Variants in ZC3H4 observed in about 807,000 individuals in gnomAD.
ZC3H4 encodes the protein zinc finger CCCH domain-containing protein 4.
ZC3H4 carries 13 observed loss-of-function variants against 108.3 expected under a neutral mutation model. The ratio of observed to expected loss-of-function variants is 0.12; its 90% CI spans 0.08 to 0.19. The LOEUF (loss-of-function observed/expected upper bound fraction) is 0.19, where lower values mean the gene tolerates loss of function less well. ZC3H4 is among the 10% of genes least tolerant of loss of function. The pLI, the probability that ZC3H4 is intolerant of heterozygous loss-of-function variation, is 1.00. For synonymous variants in ZC3H4, 917 were observed against 749.6 expected, an observed-to-expected ratio of 1.22 and a Z score of -3.65; for missense variants, 1,734 against 1,838.8, an observed-to-expected ratio of 0.94 and a Z score of 1.04.
At chr19:47,089,709 C>T (rs2057697154) in intron 5 of ZC3H4, among the ~76,000 whole-genome samples, 1 of 152,052 alleles carries the variant, frequency 6.6e-6, no homozygotes, top group African/African-American at 2.4e-5. Flanking sequence ...CCCTTCTCCC[C>T]CCACAGCTGA....
chr19:47,081,669 C>A (rs548408640), intron 10 of ZC3H4, 47 bp from the exon 11 acceptor site: 17 of 1,512,472 alleles, frequency 1.1e-5, no homozygotes, highest in African/African-American at 8.3e-5. Flanking sequence ...GAACGCCCCC[C>A]TCCCCCACCA....
In ZC3H4 at chr19:47,065,060, G is replaced by A. The variant is rs2057175736; in HGVS notation, c.*1296C>T. The A allele has an allele frequency of 6.6e-6, 1 of 152,446 alleles. No individual in the cohort carries two copies. Among genetic ancestry groups the A allele is most frequent in the African/African-American group, 2.4e-5 (1 of 41,452 alleles). 9.4% of individuals were successfully genotyped at this position (152,446 alleles called of 1,614,324 possible). On this transcript the variant is annotated 3_prime_UTR_variant, in exon 15 of 15. Transcript: ENST00000253048. ...CAAGTGGCCCAGAGGCAGGATAGCA[G>A]GCCTCCCCCAGCACCCCTTGCGCCC... is the stretch of plus-strand genomic sequence containing the variant.
At chr19:47,106,455 TAA>T (rs1045868784) in intron 2 of ZC3H4, among the ~76,000 whole-genome samples, 43 of 152,260 alleles carry the variant, frequency 2.8e-4, no homozygotes, top group African/African-American at 1.0e-3. Context: ...CCTGTCTCAA[TAA>T]AAGAGAAAAA....
chr19:47,077,284 C>A (rs2057440564), intron 11 of ZC3H4, among the ~76,000 whole-genome samples: 1 of 151,756 alleles, frequency 6.6e-6, no homozygotes, highest in African/African-American at 2.4e-5. Context: ...GCCTGGCTAA[C>A]ATGGTGAAAC....
chr19:47,104,332 A>T (rs1283317104), intron 2 of ZC3H4, among the ~76,000 whole-genome samples: 1 of 152,116 alleles, frequency 6.6e-6, no homozygotes, highest in Non-Finnish European at 1.5e-5. Context: ...TAATAATAAT[A>T]ATAATTTCTT....
At chr19:47,096,053 G>A (rs1600092844) in intron 2 of ZC3H4, among the ~76,000 whole-genome samples, 1 of 152,168 alleles carries the variant, frequency 6.6e-6, no homozygotes, top group Non-Finnish European at 1.5e-5. Context: ...CTGTCCTTTC[G>A]CTTATGTCCC....
chr19:47,089,849 T>A, intron 5 of ZC3H4, 118 bp downstream of exon 5: 2 of 1,042,402 alleles, frequency 1.9e-6, no homozygotes, highest in South Asian at 3.0e-5. Context: ...CTGGCCCTTC[T>A]TTGTACACTT....
chr19:47,112,263 A>G, intron 2 of ZC3H4, 161 bp downstream of exon 2: 1 of 1,130,948 alleles, frequency 8.8e-7, no homozygotes, highest in Non-Finnish European at 1.1e-6. Flanking sequence ...AGAAAGAGCG[A>G]GCGAGCAAGC....
rs2057502343 is a variant in ZC3H4, at chr19:47,080,562, C to T, written c.1440+951G>A. ...CCAGGCTGGAGTGCAGTGGCATGAT[C>T]ATGGCTCACTGCAGCCTCAATCTCC... On this transcript the variant is annotated intron_variant, in intron 11 of 14. Coordinates refer to ENST00000253048, the MANE Select transcript of ZC3H4 (RefSeq NM_015168.2). Among the ~76,000 whole-genome samples the T allele has an allele frequency of 3.3e-5, 5 of 152,296 alleles. No homozygotes were observed. In the South Asian group the frequency reaches 1.0e-3, roughly 32 times the overall value.
intron 2 of ZC3H4, among the ~76,000 whole-genome samples, chr19:47,106,196 C>T (rs1348422773): frequency 2.0e-5 from 3 of 152,210 alleles, no homozygotes; most frequent in Admixed American, 2.0e-4. Context: ...GAGATGAACT[C>T]AAGAATCACA....
Position 47,071,941 on chromosome 19 carries a change from G to A in ZC3H4, c.1983C>T (p.Gly661=), listed in dbSNP as rs2057333768. ...GAGGGCCGCCAGGGCCCATGGGTGG[G>A]CCAGGATTCATGCCAGGGCCCATCG... ...DMPMGPGMNP[G]PPMGPGGPPM... is the part of the protein sequence containing the mutation. The change falls in exon 13 of 15, where the codon GGC becomes GGT. Residue 661 remains glycine (G), a synonymous_variant. Transcript: ENST00000253048. The A allele has an allele frequency of 1.2e-6, 2 of 1,613,012 alleles. No homozygotes were observed. Among genetic ancestry groups the A allele is most frequent in the South Asian group, 1.1e-5 (1 of 90,912 alleles).
At chr19:47,081,839 T>C (rs1326759942) in intron 10 of ZC3H4, among the ~76,000 whole-genome samples, 2 of 152,088 alleles carry the variant, frequency 1.3e-5, no homozygotes, top group African/African-American at 4.8e-5. Flanking sequence ...CCCACTACAC[T>C]GGCTGGGGGC....
At chr19:47,086,609 A>G (rs148752856) in intron 5 of ZC3H4, 71 bp from the exon 6 acceptor site, 2 of 1,489,150 alleles carry the variant, frequency 1.3e-6, no homozygotes, top group East Asian at 4.9e-5. Context: ...GACAACCCAC[A>G]TTTTGCTCCT....
intron 4 of ZC3H4, chr19:47,093,732 C>A (rs2057775245): frequency 7.3e-6 from 3 of 409,156 alleles, no homozygotes; most frequent in African/African-American, 6.0e-5. Context: ...GCTGGAACTA[C>A]AGGCATGCCT....
rs1450504749 is a variant in ZC3H4 at position 47,065,809 on chromosome 19, T to G, written c.*547A>C. ...TTAATACCTTTTCACTCTCACTGTC[T>G]CCTGAGTGGGTTGTTACAGCCTGCA... On this transcript the variant is annotated 3_prime_UTR_variant, in exon 15 of 15. Coordinates refer to ENST00000253048, the MANE Select transcript of ZC3H4 (RefSeq NM_015168.2). The G allele has an allele frequency of 6.6e-6, 1 of 152,614 alleles. No homozygotes were observed. The highest frequency in any genetic ancestry group is 1.9e-4 in the East Asian group (1 of 5,216). The allele number at this position is 152,614 out of a possible 1,614,324, so 9.5% of individuals were successfully genotyped here.
chr19:47,076,325 G>GCACACACA (rs10531908), intron 11 of ZC3H4, among the ~76,000 whole-genome samples: 1 of 151,044 alleles, frequency 6.6e-6, no homozygotes, highest in African/African-American at 2.4e-5. Flanking sequence ...GCGCGCGCGC[G>GCACACACA]CACACACACA....
rs1215234734 is a variant in ZC3H4 at position 47,085,036 on chromosome 19, T to G, written c.1107+20A>C. ...AAGGGACCTTGGCCCAAACATCAGATCAGAGTGGAGTCAACTCACGCCCAT... is the reference window on the plus strand; with the variant it reads ...AAGGGACCTTGGCCCAAACATCAGAGCAGAGTGGAGTCAACTCACGCCCAT... On this transcript the variant is annotated intron_variant, in intron 8 of 14. Transcript: ENST00000253048. The G allele has an allele frequency of 6.2e-7, 1 of 1,613,900 alleles. No homozygotes were observed. The highest frequency in any genetic ancestry group is 1.1e-5 in the South Asian group (1 of 91,062).
At chr19:47,112,101 C>A in intron 2 of ZC3H4, 1 of 1,044,546 alleles carries the variant, frequency 9.6e-7, no homozygotes, top group Non-Finnish European at 1.2e-6. Flanking sequence ...CGCCCCCTCC[C>A]CAGGACAGGC....
At chr19:47,068,988 G>C in intron 14 of ZC3H4, 104 bp downstream of exon 14, 3 of 1,566,184 alleles carry the variant, frequency 1.9e-6, no homozygotes, top group Non-Finnish European at 2.6e-6. Context: ...CCCTAGCCAT[G>C]GGCTCCTTCC....
Sources: gnomAD v4.1 joint callset for allele counts (sites outside exome capture counted in the v4.1 genomes callset) on GRCh38, gnomAD v4.1.1 for gene constraint, MANE v1.5 for transcripts, NCBI Gene and HGNC (gene_info 2026-07-23, HGNC 2026-07-21) for gene names.